PDSS2: variants seen among roughly 807,000 people sequenced by gnomAD.
The protein encoded by PDSS2 is decaprenyl diphosphate synthase subunit 2.
In PDSS2, 31 loss-of-function variants were observed where a neutral mutation model predicts 44.5. The ratio of observed to expected loss-of-function variants is 0.70; its 90% CI spans 0.52 to 0.94. The LOEUF (loss-of-function observed/expected upper bound fraction) is 0.94. Ranked by LOEUF, PDSS2 falls within the 40% of genes least tolerant of loss-of-function variation. PDSS2 has a pLI of 0.00. For synonymous variants in PDSS2, 157 were observed against 180.3 expected, an observed-to-expected ratio of 0.87 and a Z score of 1.03; for missense variants, 452 against 482.2, an observed-to-expected ratio of 0.94 and a Z score of 0.59.
chr6:107,233,099 G>A (rs1432579893), intron 4 of PDSS2, among the ~76,000 whole-genome samples: 1 of 152,162 alleles, frequency 6.6e-6, no homozygotes, highest in Admixed American at 6.5e-5. Flanking sequence ...TTACAGATGT[G>A]AGCCACTGCG....
rs1322744918 is a variant in PDSS2 at position 107,153,015 on chromosome 6, A to C, written c.*1604T>G. The C allele has an allele frequency of 2.6e-5, 4 of 152,480 alleles. No homozygotes were observed. Among genetic ancestry groups the C allele is most frequent in the Admixed American group, 2.6e-4 (4 of 15,268 alleles). The allele number at this position is 152,480 out of a possible 1,614,324, so 9.4% of individuals were successfully genotyped here. ...ATTATGATATTTTGAGTACACTTAAAATATTTTATAATACAATACATTAAC... is the reference window on the plus strand; with the variant it reads ...ATTATGATATTTTGAGTACACTTAACATATTTTATAATACAATACATTAAC... On this transcript the variant is annotated 3_prime_UTR_variant, in exon 8 of 8. Transcript: ENST00000369037.
chr6:107,191,326 A>G (rs1772373171), intron 7 of PDSS2, among the ~76,000 whole-genome samples: 1 of 152,198 alleles, frequency 6.6e-6, no homozygotes, highest in Admixed American at 6.5e-5. Flanking sequence ...CAGTGTTCAG[A>G]TGAAGAGACT....
chr6:107,159,662 C>G (rs1053605956), intron 7 of PDSS2, among the ~76,000 whole-genome samples: 5 of 151,872 alleles, frequency 3.3e-5, no homozygotes, highest in Non-Finnish European at 5.9e-5. Context: ...TTGCGATCCA[C>G]CCACCTCGGC....
intron 2 of PDSS2, among the ~76,000 whole-genome samples, chr6:107,292,765 TGAG>T (rs1409831257): frequency 1.3e-5 from 2 of 152,128 alleles, no homozygotes; most frequent in Admixed American, 1.3e-4. Flanking sequence ...CAGATGCTTA[TGAG>T]GAGGAGGAGG....
chr6:107,446,970 C>A (rs1781703183), intron 1 of PDSS2, among the ~76,000 whole-genome samples: 1 of 151,890 alleles, frequency 6.6e-6, no homozygotes, highest in South Asian at 2.1e-4. Context: ...CTCATTCCAG[C>A]ATTAACCCAA....
At chr6:107,440,213 G>T (rs1383772106) in intron 1 of PDSS2, among the ~76,000 whole-genome samples, 2 of 152,140 alleles carry the variant, frequency 1.3e-5, no homozygotes, top group African/African-American at 4.8e-5. Flanking sequence ...TTTCAGAAGA[G>T]ATATTTATTC....
At chr6:107,261,155 C>T (rs1164809589) in intron 3 of PDSS2, among the ~76,000 whole-genome samples, 1 of 152,212 alleles carries the variant, frequency 6.6e-6, no homozygotes, top group African/African-American at 2.4e-5. Context: ...TCTGCAGCTG[C>T]CTATCTCTTC....
chr6:107,285,497 G>T (rs1269810440), intron 2 of PDSS2, among the ~76,000 whole-genome samples: 1 of 151,060 alleles, frequency 6.6e-6, no homozygotes, highest in African/African-American at 2.4e-5. Flanking sequence ...GGAAGAAGAA[G>T]AAGAAGGAAA....
At chr6:107,341,210 A>C (rs1582963847) in intron 1 of PDSS2, among the ~76,000 whole-genome samples, 1 of 152,270 alleles carries the variant, frequency 6.6e-6, no homozygotes, top group East Asian at 1.9e-4. Flanking sequence ...GAATGATGGC[A>C]GTAGCATGGA....
At chr6:107,410,383 C>A (rs962966548) in intron 1 of PDSS2, among the ~76,000 whole-genome samples, 1 of 152,220 alleles carries the variant, frequency 6.6e-6, no homozygotes, top group Non-Finnish European at 1.5e-5. Flanking sequence ...TCCACAGGTG[C>A]ATGTGCGCGC....
intron 4 of PDSS2, among the ~76,000 whole-genome samples, chr6:107,214,164 C>T (rs1773328526): frequency 1.3e-5 from 2 of 150,224 alleles, no homozygotes; most frequent in African/African-American, 4.9e-5. Flanking sequence ...AGTGCAGTGG[C>T]GCGATCTCGG....
chr6:107,321,780 C>A (rs1469569713), intron 2 of PDSS2, among the ~76,000 whole-genome samples: 1 of 152,156 alleles, frequency 6.6e-6, no homozygotes, highest in African/African-American at 2.4e-5. Flanking sequence ...TCAATTCAAC[C>A]ACCTCCACTG....
intron 1 of PDSS2, among the ~76,000 whole-genome samples, chr6:107,388,180 T>G (rs1372629056): frequency 6.6e-6 from 1 of 152,160 alleles, no homozygotes; most frequent in Non-Finnish European, 1.5e-5. Context: ...ATATGTATAC[T>G]TAGTAGAGCA....
chr6:107,188,419 G>A (rs115940937), intron 7 of PDSS2, among the ~76,000 whole-genome samples: 166 of 151,852 alleles, frequency 1.1e-3, no homozygotes, highest in African/African-American at 3.8e-3. Flanking sequence ...AATAAATGTC[G>A]GTTGGGTGAA....
rs543768033 is a variant in PDSS2 at position 107,209,562 on chromosome 6, C to CTT, written c.1008+875_1008+876dup. Among the ~76,000 whole-genome samples the CTT allele has an allele frequency of 1.1e-3, 135 of 126,170 alleles. 1 individual carries two copies. In the East Asian group the frequency reaches 0.014, roughly 13 times the overall value. The allele number at this position is 126,170 out of a possible 152,430, so 82.8% of individuals were successfully genotyped here. A position where few individuals can be genotyped will look rare whatever the true frequency, so the allele number is the denominator to read the frequency against. Reference sequence around the variant, plus strand: ...CGCAGATACTCACTTAGGCTCTAAGCTTTTTTTTTTTTTTTTTTTTAAATT... The same window carrying CTT: ...CGCAGATACTCACTTAGGCTCTAAGCTTTTTTTTTTTTTTTTTTTTTTAAATT... On this transcript the variant is annotated intron_variant, in intron 6 of 7. Coordinates refer to ENST00000369037, the MANE Select transcript of PDSS2 (RefSeq NM_020381.4).
chr6:107,236,415 C>G (rs1774225500), intron 4 of PDSS2, among the ~76,000 whole-genome samples: 1 of 150,448 alleles, frequency 6.6e-6, no homozygotes, highest in Admixed American at 6.7e-5. Flanking sequence ...TTGCCGTGAG[C>G]TGAGATTGTG....
At chr6:107,357,178 G>A (rs1433758654) in intron 1 of PDSS2, among the ~76,000 whole-genome samples, 2 of 152,058 alleles carry the variant, frequency 1.3e-5, no homozygotes, top group African/African-American at 2.4e-5. Context: ...AGCATCACAG[G>A]AACTCTAGTC....
At chr6:107,321,141 A>G (rs1019133074) in intron 2 of PDSS2, among the ~76,000 whole-genome samples, 11 of 152,228 alleles carry the variant, frequency 7.2e-5, no homozygotes, top group African/African-American at 2.7e-4. Flanking sequence ...AGTAATAATT[A>G]TATTTCTATA....
At chr6:107,300,222 C>T (rs927400723) in intron 2 of PDSS2, among the ~76,000 whole-genome samples, 1 of 152,146 alleles carries the variant, frequency 6.6e-6, no homozygotes, top group Non-Finnish European at 1.5e-5. Flanking sequence ...CAGATGCAGT[C>T]CATGACTAAG....
Sources: gnomAD v4.1 joint callset for allele counts (sites outside exome capture counted in the v4.1 genomes callset) on GRCh38, gnomAD v4.1.1 for gene constraint, MANE v1.5 for transcripts, NCBI Gene and HGNC (gene_info 2026-07-23, HGNC 2026-07-21) for gene names.